PIK3R1: variants seen among roughly 807,000 people sequenced by gnomAD.
The protein encoded by PIK3R1 is phosphoinositide-3-kinase regulatory subunit 1.
In PIK3R1, 29 loss-of-function variants were observed where a neutral mutation model predicts 98.0. The observed-to-expected ratio is 0.30, with a 90% CI of 0.22 to 0.40. The LOEUF is 0.40. PIK3R1 is among the 10% of genes least tolerant of loss of function. The probability of loss-of-function intolerance (pLI) is 1.00; values close to 1 mark genes in which losing one functional copy is unlikely to be tolerated. For synonymous variants in PIK3R1, 282 were observed against 311.8 expected (o/e 0.90, Z 1.01); for missense variants, 596 against 872.7 (o/e 0.68, Z 3.99).
At chr5:68,263,971 A>G (rs1191431222) in intron 2 of PIK3R1, among the ~76,000 whole-genome samples, 1 of 152,186 alleles carries the variant, frequency 6.6e-6, no homozygotes, top group Non-Finnish European at 1.5e-5. Flanking sequence ...TACAAAATAT[A>G]TATTTTTAAA....
intron 2 of PIK3R1, among the ~76,000 whole-genome samples, chr5:68,265,808 C>T (rs772559343): frequency 8.5e-5 from 13 of 152,182 alleles, no homozygotes; most frequent in South Asian, 6.2e-4. Context: ...AAATGTTAAT[C>T]GTAGAATCTA....
rs374797479 is a variant in PIK3R1 at position 68,278,270 on chromosome 5, TC to T, written c.503-1330del. Among the ~76,000 whole-genome samples the T allele has an allele frequency of 3.1e-3, 475 of 152,208 alleles. 4 individuals are homozygous for T. Among genetic ancestry groups the T allele is most frequent in the African/African-American group, 0.011 (446 of 41,548 alleles). Reference sequence around the variant, plus strand: ...TCTTATTTTCTGAGATTGTCTGATATCCACAGGTTAGATTAGTAATACTCAG... The same window carrying T: ...TCTTATTTTCTGAGATTGTCTGATATCACAGGTTAGATTAGTAATACTCAG... On this transcript the variant is annotated intron_variant, in intron 4 of 15. Transcript: ENST00000521381.
rs1373475369 is a variant in PIK3R1, at chr5:68,300,357, G to T, written c.*2756G>T. 2.1e-5 allele frequency: 5 copies of T among 233,000 alleles called. No individual in the cohort carries two copies. The South Asian group carries it at 5.4e-4, about 25-fold the overall frequency. The allele number at this position is 233,000 out of a possible 1,614,324, so 14.4% of individuals were successfully genotyped here. The stretch of plus-strand genomic sequence containing the variant: ...CGGCCACTTTGGATTTCATCAGACA[G>T]TCCTAACAATATTGTCTGAACGGCT... On this transcript the variant is annotated 3_prime_UTR_variant, in exon 16 of 16. Coordinates refer to ENST00000521381, the MANE Select transcript of PIK3R1 (RefSeq NM_181523.3).
chr5:68,283,856 T>G (rs1483278916), intron 7 of PIK3R1, among the ~76,000 whole-genome samples: 4 of 152,322 alleles, frequency 2.6e-5, no homozygotes, highest in African/African-American at 9.6e-5. Flanking sequence ...TCGTGAGCAA[T>G]GAGGCTGCTT....
At chr5:68,225,439 G>A (rs1338168236) in intron 1 of PIK3R1, among the ~76,000 whole-genome samples, 1 of 152,136 alleles carries the variant, frequency 6.6e-6, no homozygotes, top group Non-Finnish European at 1.5e-5. Flanking sequence ...GCTTCTCTTT[G>A]CCTGATAGTG....
chr5:68,258,789 A>G (rs1007269817), intron 2 of PIK3R1, among the ~76,000 whole-genome samples: 4 of 152,174 alleles, frequency 2.6e-5, no homozygotes, highest in African/African-American at 7.2e-5. Context: ...CACACCCTGC[A>G]TTGTGACAAA....
chr5:68,243,680 A>G (rs1217339871), intron 2 of PIK3R1, among the ~76,000 whole-genome samples: 1 of 152,224 alleles, frequency 6.6e-6, no homozygotes, highest in African/African-American at 2.4e-5. Flanking sequence ...GAGCTACTGT[A>G]CCATCAAGAC....
intron 2 of PIK3R1, among the ~76,000 whole-genome samples, chr5:68,235,429 TAAA>T (rs1291364928): frequency 2.0e-5 from 3 of 151,334 alleles, no homozygotes; most frequent in Admixed American, 6.6e-5. Flanking sequence ...AATAAATAAA[TAAA>T]TAAATAAATA....
chr5:68,288,836 C>A, intron 7 of PIK3R1: 1 of 1,386,268 alleles, frequency 7.2e-7, no homozygotes, highest in Non-Finnish European at 1.0e-6. Context: ...CGTGTGTGTG[C>A]GTGCGCCCCT....
At chr5:68,246,772 T>C (rs563209345) in intron 2 of PIK3R1, among the ~76,000 whole-genome samples, 41 of 152,338 alleles carry the variant, frequency 2.7e-4, no homozygotes, top group African/African-American at 9.1e-4. Context: ...TGCAGGCGCC[T>C]GCCACCACGT....
intron 2 of PIK3R1, among the ~76,000 whole-genome samples, chr5:68,270,056 G>C (rs896099927): frequency 4.6e-5 from 7 of 152,018 alleles, no homozygotes; most frequent in African/African-American, 7.3e-5. Context: ...TAGTACCCAT[G>C]TGTATTTTTT....
chr5:68,216,029 CTT>C (rs1743857274), intron 1 of PIK3R1, 80 bp downstream of exon 1: 1 of 152,220 alleles, frequency 6.6e-6, no homozygotes, highest in Non-Finnish European at 1.5e-5. Context: ...CCGCGACTCT[CTT>C]CCTGTCACTG....
In PIK3R1 at chr5:68,300,036, TTACA is replaced by T. The variant is rs1171167365; in HGVS notation, c.*2440_*2443del. The T allele has an allele frequency of 4.3e-6, 1 of 233,100 alleles. No individual in the cohort carries two copies. The highest frequency in any genetic ancestry group is 8.5e-6 in the Non-Finnish European group (1 of 118,020). The allele number at this position is 233,100 out of a possible 1,614,324, so 14.4% of individuals were successfully genotyped here. On this transcript the variant is annotated 3_prime_UTR_variant, in exon 16 of 16. Coordinates refer to ENST00000521381, the MANE Select transcript of PIK3R1 (RefSeq NM_181523.3). ...TTTTTTTGGTAGCACATGTATGCTATTACATACAAATTTTTATTTCTAAAATATA... is the reference window on the plus strand; with the variant it reads ...TTTTTTTGGTAGCACATGTATGCTATTACAAATTTTTATTTCTAAAATATA...
chr5:68,226,504 C>T lies in PIK3R1; in HGVS notation c.-172C>T, dbSNP rs576546492. 20 of 591,880 alleles carry T rather than the reference C, an allele frequency of 3.4e-5. No homozygotes were observed. Among genetic ancestry groups the T allele is most frequent in the South Asian group, 2.5e-4 (11 of 44,486 alleles). 36.7% of individuals were successfully genotyped at this position (591,880 alleles called of 1,614,324 possible). On this transcript the variant is annotated 5_prime_UTR_variant, in exon 2 of 16. Transcript: ENST00000521381. ...CATTGATGGAGGACAGATGGACAGC[C>T]GTATGGCCAGTCACCTCTCCTCTTA...
At chr5:68,230,830 A>T (rs1744436133) in intron 2 of PIK3R1, among the ~76,000 whole-genome samples, 1 of 152,174 alleles carries the variant, frequency 6.6e-6, no homozygotes, top group Non-Finnish European at 1.5e-5. Flanking sequence ...TTTTTCTACA[A>T]GCCAGTAGAG....
At chr5:68,252,870 A>G (rs919432247) in intron 2 of PIK3R1, among the ~76,000 whole-genome samples, 2 of 152,156 alleles carry the variant, frequency 1.3e-5, no homozygotes. Context: ...GCAATTGGCT[A>G]TACGGCATGG....
At chr5:68,223,056 ATAAC>A (rs1368864572) in intron 1 of PIK3R1, among the ~76,000 whole-genome samples, 3 of 152,002 alleles carry the variant, frequency 2.0e-5, no homozygotes, top group Non-Finnish European at 4.4e-5. Context: ...ATGACTGTAT[ATAAC>A]TATATATAGT....
chr5:68,300,951 A>C lies in PIK3R1; in HGVS notation c.*3350A>C. On this transcript the variant is annotated 3_prime_UTR_variant, in exon 16 of 16. Coordinates refer to ENST00000521381, the MANE Select transcript of PIK3R1 (RefSeq NM_181523.3). ...TGTCGAGTCAAAATGTGTTTATGTG[A>C]GCTGTCACTGTGGGGAACCAATTGC... 1.3e-5 allele frequency: 3 copies of C among 233,420 alleles called. No homozygotes were observed. Among genetic ancestry groups the C allele is most frequent in the East Asian group, 6.1e-5 (1 of 16,522 alleles). 14.5% of individuals were successfully genotyped at this position (233,420 alleles called of 1,614,324 possible).
Position 68,218,977 on chromosome 5 carries a change from G to A in PIK3R1, c.-387+3028G>A, listed in dbSNP as rs539455831. Among the ~76,000 whole-genome samples the A allele has an allele frequency of 5.1e-4, 78 of 152,206 alleles. 1 individual carries two copies. The South Asian group carries it at 0.016, about 30-fold the overall frequency. ...ATGCCTCCTTTACGTACACCCTAATGCCCTAATGTGATTACTTGCCATGAT... is the reference window on the plus strand; with the variant it reads ...ATGCCTCCTTTACGTACACCCTAATACCCTAATGTGATTACTTGCCATGAT... On this transcript the variant is annotated intron_variant, in intron 1 of 15. Transcript: ENST00000521381.
Sources: gnomAD v4.1 joint callset for allele counts (sites outside exome capture counted in the v4.1 genomes callset) on GRCh38, gnomAD v4.1.1 for gene constraint, MANE v1.5 for transcripts, NCBI Gene and HGNC (gene_info 2026-07-23, HGNC 2026-07-21) for gene names.